FBXO6: variants seen among roughly 807,000 people sequenced by gnomAD.
The protein encoded by FBXO6 is F-box only protein 6.
FBXO6 carries 13 observed loss-of-function variants against 25.0 expected under a neutral mutation model. The ratio of observed to expected loss-of-function variants is 0.52; its 90% confidence interval spans 0.34 to 0.83. FBXO6 has a LOEUF of 0.83. Among genes scored for constraint, FBXO6 ranks in the 40% least tolerant of loss-of-function variants. The pLI is 0.02. For missense variants in FBXO6, 370 were observed against 380.2 expected, an observed-to-expected ratio of 0.97 and a Z score of 0.22; for synonymous variants, 138 against 155.3, an observed-to-expected ratio of 0.89 and a Z score of 0.83.
intron 1 of FBXO6, among the ~76,000 whole-genome samples, chr1:11,666,013 T>TTTC (rs397977576): frequency 6.6e-6 from 1 of 150,894 alleles, no homozygotes; most frequent in Non-Finnish European, 1.5e-5. Flanking sequence ...ATTTTTTTTT[T>TTTC]CCATCAAAGC....
intron 2 of FBXO6, among the ~76,000 whole-genome samples, chr1:11,670,031 T>C (rs1490195710): frequency 1.4e-5 from 2 of 147,202 alleles, no homozygotes; most frequent in Non-Finnish European, 3.0e-5. Flanking sequence ...GCCAACAAGG[T>C]GAAACCCCAT....
intron 2 of FBXO6, among the ~76,000 whole-genome samples, chr1:11,670,247 G>C (rs1475345247): frequency 2.7e-5 from 4 of 150,186 alleles, no homozygotes. Context: ...GTGATTGCCT[G>C]GGCAGCGCCA....
chr1:11,669,737 T>TAC (rs113558790), intron 2 of FBXO6, among the ~76,000 whole-genome samples: 27,977 of 138,794 alleles, frequency 0.2, 3,193 homozygotes, highest in Non-Finnish European at 0.25. Context: ...TACATATACA[T>TAC]ACACACACAC....
chr1:11,673,702 T>C lies in FBXO6; in HGVS notation c.733T>C (p.Trp245Arg). Residue 245 changes from tryptophan to arginine, a missense_variant, in exon 6 of 6, where the codon TGG becomes CGG. By Grantham distance (101) the Trp-to-Arg change is moderately radical. Transcript: ENST00000376753. The surrounding 1 kb of genome is among the most constrained non-coding windows in gnomAD (Gnocchi z 4.3). ...CAGGGACACCCAGTACTGGGCAGGC[T>C]GGTATGGGCCCCGAGTCACCAACAG... ...GGRDTQYWAG[W>R]YGPRVTNSSI... The C allele has an allele frequency of 6.2e-7, 1 of 1,614,070 alleles. No homozygotes were observed. The highest frequency in any genetic ancestry group is 8.5e-7 in the Non-Finnish European group (1 of 1,180,018).
At position 11,673,877 on chromosome 1, in the gene FBXO6, A is replaced by T. The variant is rs1015745669; in HGVS notation, c.*26A>T. ...CAGCTGTCCATCCTGTGTCTGGGTC[A>T]GCCAGAGGTTCCTCCAGGCAGGAGC... On this transcript the variant is annotated 3_prime_UTR_variant, in exon 6 of 6. Coordinates refer to ENST00000376753, the MANE Select transcript of FBXO6 (RefSeq NM_018438.6). This position sits in a 1 kb window ranked among gnomAD's most constrained non-coding sequence, Gnocchi z 4.3. 3 of 1,609,162 alleles carry T rather than the reference A, an allele frequency of 1.9e-6. No homozygotes were observed. The East Asian group carries it at 6.7e-5, about 36-fold the overall frequency.
intron 4 of FBXO6, among the ~76,000 whole-genome samples, chr1:11,672,884 G>A (rs1640662588): frequency 1.3e-5 from 2 of 152,202 alleles, no homozygotes; most frequent in African/African-American, 4.8e-5. Context: ...GCTGAGCAGA[G>A]GGTGAGCTTT....
chr1:11,669,889 G>A (rs1333742715), intron 2 of FBXO6, among the ~76,000 whole-genome samples: 21 of 144,884 alleles, frequency 1.4e-4, no homozygotes, highest in Non-Finnish European at 2.7e-4. Context: ...TGCCTGCCTC[G>A]GCCTCCCAAA....
At chr1:11,668,364 T>C (rs1640502793) in intron 1 of FBXO6, among the ~76,000 whole-genome samples, 1 of 151,588 alleles carries the variant, frequency 6.6e-6, no homozygotes, top group Non-Finnish European at 1.5e-5. Flanking sequence ...TACTGTTTAC[T>C]GGAAGGACCC....
rs1240272122 is a variant in FBXO6, at chr1:11,671,281, G to C, written c.302G>C (p.Trp101Ser). Residue 101 changes from tryptophan (W) to serine (S), a missense_variant, in exon 3 of 6, where the codon TGG becomes TCG. Trp to Ser is a radical substitution (Grantham distance 177). Coordinates refer to ENST00000376753, the MANE Select transcript of FBXO6 (RefSeq NM_018438.6). ...NPCAEEDMFA[W>S]QIDFNGGDRW... ...TTCTTCCTAGAGGATATGTTTGCATGGCAAATTGATTTCAATGGTGGGGAC... is the reference window on the plus strand; with the variant it reads ...TTCTTCCTAGAGGATATGTTTGCATCGCAAATTGATTTCAATGGTGGGGAC... 1 of 1,613,894 alleles carries C rather than the reference G, an allele frequency of 6.2e-7. No individual in the cohort carries two copies. Among genetic ancestry groups the C allele is most frequent in the Non-Finnish European group, 8.5e-7 (1 of 1,179,942 alleles).
intron 2 of FBXO6, among the ~76,000 whole-genome samples, chr1:11,670,563 G>A (rs1193323136): frequency 6.6e-6 from 1 of 151,432 alleles, no homozygotes; most frequent in East Asian, 1.9e-4. Context: ...ATGCCATCTG[G>A]GTCAAGTAAG....
At position 11,673,107 on chromosome 1, in the gene FBXO6, G is replaced by A. The variant is rs921466229; in HGVS notation, c.510-170G>A. ...CAGCATGGACAGACAGCTTATCCCC[G>A]GGCCACAGTGGGGCATAGGGAGCGC... On this transcript the variant is annotated intron_variant, in intron 4 of 5. Coordinates refer to ENST00000376753, the MANE Select transcript of FBXO6 (RefSeq NM_018438.6). This position sits in a 1 kb window ranked among gnomAD's most constrained non-coding sequence, Gnocchi z 4.3. Among the ~76,000 whole-genome samples the A allele has an allele frequency of 1.3e-5, 2 of 152,164 alleles. No homozygotes were observed. The highest frequency in any genetic ancestry group is 2.9e-5 in the Non-Finnish European group (2 of 68,016).
chr1:11,664,571 C>A (rs1404700992), intron 1 of FBXO6: 1 of 151,912 alleles, frequency 6.6e-6, no homozygotes, highest in East Asian at 1.9e-4. Flanking sequence ...GGGGGCCTGG[C>A]CCCGGGGCCA....
At position 11,668,621 on chromosome 1, in the gene FBXO6, C is replaced by T. The variant is rs777216948; in HGVS notation, c.-3-35C>T. On this transcript the variant is annotated intron_variant, in intron 1 of 5. Coordinates refer to ENST00000376753, the MANE Select transcript of FBXO6 (RefSeq NM_018438.6). Reference sequence around the variant, plus strand: ...CCCTGGGGACCTGAGGGCCCACCTCCCTGGTCAGGCTCATAACTGCTGTTG... The same window carrying T: ...CCCTGGGGACCTGAGGGCCCACCTCTCTGGTCAGGCTCATAACTGCTGTTG... The T allele has an allele frequency of 5.6e-6, 9 of 1,596,172 alleles. No individual in the cohort carries two copies. The Admixed American group carries it at 6.7e-5, about 12-fold the overall frequency.
chr1:11,666,467 C>G (rs895809148), intron 1 of FBXO6, among the ~76,000 whole-genome samples: 5 of 151,780 alleles, frequency 3.3e-5, no homozygotes, highest in Non-Finnish European at 5.9e-5. Context: ...CCACAACCTC[C>G]GCCTCCCAGG....
At chr1:11,669,357 G>T (rs1482469446) in intron 2 of FBXO6, among the ~76,000 whole-genome samples, 1 of 152,090 alleles carries the variant, frequency 6.6e-6, no homozygotes, top group Non-Finnish European at 1.5e-5. Context: ...CCAGCTACTT[G>T]GGAGGCTGAG....
rs115130171 is a variant in FBXO6 at position 11,665,006 on chromosome 1, G to A, written c.-4+751G>A. Among the ~76,000 whole-genome samples the A allele has an allele frequency of 4.7e-3, 708 of 152,036 alleles. 4 individuals are homozygous for A. Among genetic ancestry groups the A allele is most frequent in the African/African-American group, 0.016 (670 of 41,456 alleles). On this transcript the variant is annotated intron_variant, in intron 1 of 5. Coordinates refer to ENST00000376753, the MANE Select transcript of FBXO6 (RefSeq NM_018438.6). ...CTTGGAGCCCAGTGACTTTTATTTC[G>A]TCTAGAGTCTAGACAGTGCCTTTAG... is the stretch of plus-strand genomic sequence containing the variant.
intron 3 of FBXO6, 91 bp from the exon 4 acceptor site, chr1:11,671,837 C>T: frequency 1.7e-6 from 2 of 1,192,254 alleles, no homozygotes; most frequent in African/African-American, 1.5e-5. Flanking sequence ...AAACCACCTC[C>T]CTGGGCTCAC....
chr1:11,664,435 G>GGGGGGAC (rs1179158406), intron 1 of FBXO6, 180 bp downstream of exon 1: 1 of 151,414 alleles, frequency 6.6e-6, no homozygotes, highest in Non-Finnish European at 1.5e-5. Flanking sequence ...TCGCGTCCCC[G>GGGGGGAC]GGGGGACGGG....
At position 11,664,630 on chromosome 1, in the gene FBXO6, C is replaced by G. The variant is rs891449346; in HGVS notation, c.-4+375C>G. The G allele has an allele frequency of 3.3e-5, 5 of 152,126 alleles. No individual in the cohort carries two copies. In the East Asian group the frequency reaches 9.7e-4, roughly 29 times the overall value. The allele number at this position is 152,126 out of a possible 1,614,324, so 9.4% of individuals were successfully genotyped here. A position where few individuals can be genotyped will look rare whatever the true frequency, so the allele number is the denominator to read the frequency against. ...CCTCCACCCCGGCCACATCCCGAGGCCGGCGCCGGGTTCGGAGAACTGTCA... is the reference window on the plus strand; with the variant it reads ...CCTCCACCCCGGCCACATCCCGAGGGCGGCGCCGGGTTCGGAGAACTGTCA... On this transcript the variant is annotated intron_variant, in intron 1 of 5. Coordinates refer to ENST00000376753, the MANE Select transcript of FBXO6 (RefSeq NM_018438.6).
Sources: allele counts gnomAD v4.1 joint callset (sites outside exome capture counted in the v4.1 genomes callset), GRCh38; gene constraint gnomAD v4.1.1; non-coding constraint Gnocchi (gnomAD v3.1); transcripts MANE v1.5; gene names NCBI Gene and HGNC (gene_info 2026-07-23, HGNC 2026-07-21).